EPHA5: variants seen among roughly 807,000 people sequenced by gnomAD.
EPHA5 encodes the protein EPH receptor A5, also known as ephrin type-A receptor 5.
In EPHA5, 60 loss-of-function variants were observed where a neutral mutation model predicts 105.0. That is an observed-to-expected ratio of 0.57 (90% CI 0.46 to 0.71). The LOEUF (loss-of-function observed/expected upper bound fraction) is 0.71. Among genes scored for constraint, EPHA5 ranks in the 30% least tolerant of loss-of-function variants. The pLI is 0.00. For missense variants in EPHA5, 1,218 were observed against 1,274.7 expected (o/e 0.96, Z 0.68); for synonymous variants, 513 against 449.1 (o/e 1.14, Z -1.80).
At chr4:65,528,506 T>C (rs952295013) in intron 3 of EPHA5, among the ~76,000 whole-genome samples, 1 of 152,040 alleles carries the variant, frequency 6.6e-6, no homozygotes, top group Non-Finnish European at 1.5e-5. Context: ...AAAAAATCCG[T>C]AGAGAATTCA....
At chr4:65,643,314 A>C in intron 2 of EPHA5, 49 bp downstream of exon 2, 1 of 1,391,612 alleles carries the variant, frequency 7.2e-7, no homozygotes, top group Non-Finnish European at 1.0e-6. Context: ...AAGTATCAAG[A>C]TGCTTACGCA....
chr4:65,576,095 A>AAAG (rs1369780860), intron 3 of EPHA5, among the ~76,000 whole-genome samples: 31 of 107,030 alleles, frequency 2.9e-4, no homozygotes, highest in Non-Finnish European at 3.7e-4. Flanking sequence ...AAAGAAAAGA[A>AAAG]AAGAAAAGAA....
chr4:65,508,644 A>G (rs1411463724), intron 3 of EPHA5, among the ~76,000 whole-genome samples: 1 of 152,150 alleles, frequency 6.6e-6, no homozygotes, highest in Non-Finnish European at 1.5e-5. Context: ...TTCCTTTAAA[A>G]TCAAGCAACA....
At chr4:65,549,883 AT>A (rs1435695965) in intron 3 of EPHA5, among the ~76,000 whole-genome samples, 1 of 152,126 alleles carries the variant, frequency 6.6e-6, no homozygotes, top group Non-Finnish European at 1.5e-5. Flanking sequence ...TCCTGCTAAG[AT>A]TGATAATGGT....
chr4:65,326,288 A>C (rs1431481817), intron 16 of EPHA5, among the ~76,000 whole-genome samples: 1 of 151,206 alleles, frequency 6.6e-6, no homozygotes, highest in Non-Finnish European at 1.5e-5. Flanking sequence ...GTTAGGGCTA[A>C]TATCAGGTAC....
intron 3 of EPHA5, among the ~76,000 whole-genome samples, chr4:65,572,396 T>G (rs9997603): frequency 0.87 from 132,662 of 152,194 alleles, 58,131 homozygotes; most frequent in Non-Finnish European, 0.91. Flanking sequence ...CTAGTGATGA[T>G]TATATGGACT....
chr4:65,342,860 C>T (rs905172763), intron 14 of EPHA5, among the ~76,000 whole-genome samples: 7 of 151,622 alleles, frequency 4.6e-5, no homozygotes, highest in African/African-American at 1.7e-4. Context: ...GCTAGTTGAT[C>T]TTTTCTGGAG....
intron 1 of EPHA5, among the ~76,000 whole-genome samples, chr4:65,669,254 G>A (rs900835481): frequency 2.0e-5 from 3 of 151,724 alleles, no homozygotes; most frequent in Admixed American, 6.6e-5. Context: ...CCTGGAACGG[G>A]CCTCCATTCC....
At chr4:65,484,902 A>G (rs1351305331) in intron 5 of EPHA5, among the ~76,000 whole-genome samples, 1 of 152,052 alleles carries the variant, frequency 6.6e-6, no homozygotes, top group Non-Finnish European at 1.5e-5. Flanking sequence ...CTCTATCTGT[A>G]TAGATAGATA....
intron 15 of EPHA5, 53 bp downstream of exon 15, chr4:65,335,879 C>A (rs1721122801): frequency 6.7e-7 from 1 of 1,484,122 alleles, no homozygotes. Context: ...ATATTTGTGA[C>A]ATCAATCTGA....
intron 3 of EPHA5, among the ~76,000 whole-genome samples, chr4:65,520,819 A>G (rs918007774): frequency 6.6e-6 from 1 of 152,204 alleles, no homozygotes; most frequent in East Asian, 1.9e-4. Flanking sequence ...TCAAAACCAC[A>G]ATGAGATACC....
intron 3 of EPHA5, among the ~76,000 whole-genome samples, chr4:65,586,112 T>A (rs1389321429): frequency 6.6e-6 from 1 of 151,672 alleles, no homozygotes; most frequent in Admixed American, 6.6e-5. Context: ...TATTGAACTA[T>A]TTTAATATAT....
chr4:65,449,668 T>G (rs541429774), intron 5 of EPHA5, among the ~76,000 whole-genome samples: 1 of 152,152 alleles, frequency 6.6e-6, no homozygotes, highest in Admixed American at 6.6e-5. Context: ...ACTCGTGAAG[T>G]TGACCTTTGC....
At chr4:65,624,409 T>C (rs368932065) in intron 2 of EPHA5, among the ~76,000 whole-genome samples, 14 of 152,318 alleles carry the variant, frequency 9.2e-5, no homozygotes, top group African/African-American at 3.4e-4. Flanking sequence ...TGCCACACGT[T>C]GATGGATGTG....
intron 1 of EPHA5, among the ~76,000 whole-genome samples, chr4:65,647,411 C>T (rs1197323205): frequency 6.7e-6 from 1 of 149,866 alleles, no homozygotes; most frequent in Non-Finnish European, 1.5e-5. Context: ...TTCCCAATTA[C>T]CAAATTTATT....
chr4:65,421,601 A>C (rs1723951740), intron 5 of EPHA5, among the ~76,000 whole-genome samples: 1 of 152,040 alleles, frequency 6.6e-6, no homozygotes, highest in Non-Finnish European at 1.5e-5. Context: ...AAAGTTCTTC[A>C]CTCACTTTAC....
At chr4:65,389,925 G>T (rs992992107) in intron 8 of EPHA5, among the ~76,000 whole-genome samples, 2 of 151,924 alleles carry the variant, frequency 1.3e-5, no homozygotes, top group African/African-American at 2.4e-5. Flanking sequence ...TTGCCAACTT[G>T]ATGAGATCTT....
chr4:65,617,350 C>G (rs908572715), intron 2 of EPHA5, among the ~76,000 whole-genome samples: 2 of 151,982 alleles, frequency 1.3e-5, no homozygotes, highest in Non-Finnish European at 2.9e-5. Context: ...GTTGGTGTAT[C>G]GCCCTCTCCA....
intron 3 of EPHA5, among the ~76,000 whole-genome samples, chr4:65,561,355 C>T (rs746198750): frequency 6.6e-6 from 1 of 151,424 alleles, no homozygotes; most frequent in African/African-American, 2.4e-5. Context: ...GTACAAAATA[C>T]TGATGTTATT....
Sources: gnomAD v4.1 joint callset for allele counts (sites outside exome capture counted in the v4.1 genomes callset) on GRCh38, gnomAD v4.1.1 for gene constraint, MANE v1.5 for transcripts, NCBI Gene and HGNC (gene_info 2026-07-23, HGNC 2026-07-21) for gene names.